Variants in FOCAD observed in about 807,000 individuals in gnomAD.
FOCAD encodes the protein KIAA1797.
A neutral mutation model predicts 225.6 loss-of-function variants in FOCAD; 198 were observed. The observed-to-expected ratio is 0.88, with a 90% CI of 0.78 to 0.99. The LOEUF (loss-of-function observed/expected upper bound fraction) is 0.99, where lower values mean the gene tolerates loss of function less well. Among genes scored for constraint, FOCAD ranks in the 50% least tolerant of loss-of-function variants. FOCAD has a pLI of 0.00. For synonymous variants in FOCAD, 897 were observed against 755.0 expected (o/e 1.19, Z -3.08); for missense variants, 2,713 against 2,123.6 (o/e 1.28, Z -5.46).
chr9:20,764,946 A>G lies in FOCAD; in HGVS notation c.572A>G (p.Tyr191Cys), dbSNP rs769073717. 6.2e-7 allele frequency: 1 copy of G among 1,614,166 alleles called. No individual in the cohort carries two copies. The highest frequency in any genetic ancestry group is 8.5e-7 in the Non-Finnish European group (1 of 1,180,014). The change falls in exon 7 of 44, where the codon TAT becomes TGT. Residue 191 changes from tyrosine (Y) to cysteine (C), a missense_variant. Coordinates refer to ENST00000338382, the MANE Select transcript of FOCAD (RefSeq NM_001375567.1). ...TGTGAACCATCTCAGTTACAAGAAT[A>G]TGCTAAACTCCGACTAGCCCTGCTG... ...LYCEPSQLQEYAKLRLALLKV... is the reference protein window; with the variant it reads ...LYCEPSQLQECAKLRLALLKV...
chr9:20,892,595 C>G (rs1165298766), intron 21 of FOCAD, among the ~76,000 whole-genome samples: 3 of 151,998 alleles, frequency 2.0e-5, no homozygotes, highest in South Asian at 4.1e-4. Flanking sequence ...TGAACTGCTA[C>G]CGTCATGAGG....
intron 37 of FOCAD, among the ~76,000 whole-genome samples, chr9:20,978,761 T>A (rs1202909472): frequency 6.6e-6 from 1 of 152,250 alleles, no homozygotes; most frequent in Non-Finnish European, 1.5e-5. Flanking sequence ...GAACTTATGT[T>A]TATTTGATTA....
intron 4 of FOCAD, among the ~76,000 whole-genome samples, chr9:20,728,183 A>G (rs1375745719): frequency 3.3e-5 from 5 of 152,180 alleles, no homozygotes; most frequent in African/African-American, 1.2e-4. Context: ...TAATTGACCC[A>G]TACTCCCTCT....
chr9:20,974,460 G>A (rs911910760), intron 35 of FOCAD, among the ~76,000 whole-genome samples: 3 of 101,780 alleles, frequency 2.9e-5, no homozygotes, highest in Non-Finnish European at 6.0e-5. Context: ...CACTTTTGCT[G>A]TCTCTGCCCT....
rs546712411 is a variant in FOCAD at position 20,780,888 on chromosome 9, TATC to T, written c.995-836_995-834del. Among the ~76,000 whole-genome samples, 748 of 152,332 alleles carry T rather than the reference TATC, an allele frequency of 4.9e-3. 9 individuals carry two copies. The highest frequency in any genetic ancestry group is 0.015 in the African/African-American group (610 of 41,574). On this transcript the variant is annotated intron_variant, in intron 9 of 43. Transcript: ENST00000338382. ...TAGAGTAACAGGTGTTTGTACTTAA[TATC>T]ATGTTAAGGTTTGACCTCCAGATGA...
At chr9:20,916,109 A>T (rs1408407318) in intron 23 of FOCAD, among the ~76,000 whole-genome samples, 1 of 152,166 alleles carries the variant, frequency 6.6e-6, no homozygotes, top group Non-Finnish European at 1.5e-5. Flanking sequence ...AATATTTATG[A>T]ATGTCAATAT....
chr9:20,859,110 C>T (rs1187787760), intron 15 of FOCAD, among the ~76,000 whole-genome samples: 2 of 152,126 alleles, frequency 1.3e-5, no homozygotes, highest in Non-Finnish European at 2.9e-5. Context: ...CATGGTGGCT[C>T]ATGCCTGTAA....
intron 15 of FOCAD, among the ~76,000 whole-genome samples, chr9:20,845,835 C>G (rs1324529726): frequency 6.6e-6 from 1 of 151,918 alleles, no homozygotes; most frequent in Non-Finnish European, 1.5e-5. Context: ...ATTTCTGATT[C>G]TTTCATTTAT....
At chr9:20,937,391 A>G (rs568276996) in intron 28 of FOCAD, among the ~76,000 whole-genome samples, 3 of 152,046 alleles carry the variant, frequency 2.0e-5, no homozygotes, top group African/African-American at 4.8e-5. Context: ...ATATAGACCA[A>G]TGGAGCAGAA....
At position 20,913,762 on chromosome 9, in the gene FOCAD, G is replaced by T. The variant is rs577512955; in HGVS notation, c.2807+808G>T. Among the ~76,000 whole-genome samples the T allele has an allele frequency of 2.8e-4, 42 of 152,174 alleles. No homozygotes were observed. In the South Asian group the frequency reaches 8.5e-3, roughly 31 times the overall value. ...TGAAGTTTAAAACATTATGATATTG[G>T]ATTTAGGATTAGAGGGTTTTGTATC... is the stretch of plus-strand genomic sequence containing the variant. On this transcript the variant is annotated intron_variant, in intron 23 of 43. Coordinates refer to ENST00000338382, the MANE Select transcript of FOCAD (RefSeq NM_001375567.1).
At chr9:20,679,467 A>G (rs977706426), upstream of FOCAD, among the ~76,000 whole-genome samples, 6 of 152,150 alleles carry the variant, frequency 3.9e-5, no homozygotes, top group Admixed American at 3.9e-4. Context: ...GCTGTGGGTG[A>G]CATGACCTTC....
intron 11 of FOCAD, among the ~76,000 whole-genome samples, chr9:20,810,828 G>A (rs901359780): frequency 1.3e-5 from 2 of 152,058 alleles, no homozygotes; most frequent in South Asian, 4.1e-4. Flanking sequence ...CTCAAGTGAT[G>A]TGATATTTGA....
intron 24 of FOCAD, among the ~76,000 whole-genome samples, chr9:20,918,697 C>T (rs1009877482): frequency 6.6e-6 from 1 of 150,488 alleles, no homozygotes; most frequent in Admixed American, 6.6e-5. Flanking sequence ...GCACTCCAGC[C>T]TGGGTGACAG....
At chr9:20,783,037 T>A (rs1485868221) in intron 10 of FOCAD, among the ~76,000 whole-genome samples, 1 of 152,164 alleles carries the variant, frequency 6.6e-6, no homozygotes, top group Non-Finnish European at 1.5e-5. Flanking sequence ...ACTTTACCTC[T>A]TGGTTTGCCC....
At chr9:20,732,184 A>G (rs1403945858) in intron 4 of FOCAD, among the ~76,000 whole-genome samples, 11 of 152,134 alleles carry the variant, frequency 7.2e-5, no homozygotes, top group Admixed American at 7.2e-4. Context: ...TATTGCACTC[A>G]TGATGCTTTT....
chr9:20,759,501 C>G (rs1587051058), intron 6 of FOCAD, among the ~76,000 whole-genome samples: 1 of 152,152 alleles, frequency 6.6e-6, no homozygotes, highest in Non-Finnish European at 1.5e-5. Flanking sequence ...GGAAAACTGG[C>G]TAGCCATACG....
intron 7 of FOCAD, among the ~76,000 whole-genome samples, chr9:20,769,650 C>G (rs1463803514): frequency 6.6e-6 from 1 of 152,204 alleles, no homozygotes; most frequent in East Asian, 1.9e-4. Context: ...TCTTTACTAT[C>G]AGGTATCTAT....
chr9:20,745,097 ATT>A (rs756472054), intron 5 of FOCAD, among the ~76,000 whole-genome samples: 14 of 149,594 alleles, frequency 9.4e-5, no homozygotes, highest in Non-Finnish European at 1.9e-4. Flanking sequence ...ACACACTTAT[ATT>A]TAAGTTATTT....
At position 20,908,716 on chromosome 9, in the gene FOCAD, CTA is replaced by C. The variant is rs564170335; in HGVS notation, c.2718+1478_2718+1479del. Among the ~76,000 whole-genome samples the C allele has an allele frequency of 3.1e-3, 468 of 152,234 alleles. 4 individuals are homozygous for C. The highest frequency in any genetic ancestry group is 0.011 in the African/African-American group (453 of 41,578). On this transcript the variant is annotated intron_variant, in intron 22 of 43. Coordinates refer to ENST00000338382, the MANE Select transcript of FOCAD (RefSeq NM_001375567.1). ...GTGAATGAATGAATGACTCATGTCT[CTA>C]TATTTCTTTAAGAGCCAATTACAGT... is the stretch of plus-strand genomic sequence containing the variant.
Sources: gnomAD v4.1 joint callset for allele counts (sites outside exome capture counted in the v4.1 genomes callset) on GRCh38, gnomAD v4.1.1 for gene constraint, MANE v1.5 for transcripts, NCBI Gene and HGNC (gene_info 2026-07-23, HGNC 2026-07-21) for gene names.